HDLBP: variants seen among roughly 807,000 people sequenced by gnomAD.
The protein encoded by HDLBP is high density lipoprotein binding protein, also known as vigilin.
A neutral mutation model predicts 137.3 loss-of-function variants in HDLBP; 30 were observed. The observed-to-expected ratio is 0.22, with a 90% CI of 0.16 to 0.30. HDLBP has a LOEUF of 0.30. HDLBP is among the 10% of genes least tolerant of loss of function. HDLBP has a pLI of 1.00. For missense variants in HDLBP, 1,119 were observed against 1,667.3 expected (o/e 0.67, Z 5.73); for synonymous variants, 606 against 596.0 (o/e 1.02, Z -0.24).
intron 14 of HDLBP, 176 bp from the exon 15 acceptor site, chr2:241,247,318 C>G (rs147442033): frequency 3.3e-6 from 2 of 606,888 alleles, no homozygotes; most frequent in Admixed American, 2.9e-5. Flanking sequence ...AACTAACTTA[C>G]GTTGCAAATT....
intron 21 of HDLBP, 125 bp from the exon 22 acceptor site, chr2:241,235,719 C>T (rs892248591): frequency 1.9e-5 from 12 of 642,512 alleles, no homozygotes; most frequent in Non-Finnish European, 2.8e-5. Context: ...GTGCCCCACC[C>T]GACAATGCCA....
intron 1 of HDLBP, among the ~76,000 whole-genome samples, chr2:241,294,967 T>G (rs1031742595): frequency 1.3e-5 from 2 of 151,880 alleles, no homozygotes; most frequent in Admixed American, 6.6e-5. Flanking sequence ...CCAGGCATGG[T>G]GGTGGGTGCC....
chr2:241,272,465 C>A lies in HDLBP; in HGVS notation c.-102-3924G>T. On this transcript the variant is annotated intron_variant, in intron 1 of 27. Transcript: ENST00000310931. This position sits in a 1 kb window ranked among gnomAD's most constrained non-coding sequence, Gnocchi z 5.6. ...GGGGAGCCCAGCTTGCAGCCAAGAG[C>A]GGCCCAGCGGCGCCACCGGACTTGA... is the stretch of plus-strand genomic sequence containing the variant. 2 of 984,668 alleles carry A rather than the reference C, an allele frequency of 2.0e-6. No individual in the cohort carries two copies. The highest frequency in any genetic ancestry group is 2.4e-6 in the Non-Finnish European group (2 of 829,684). 61.0% of individuals were successfully genotyped at this position (984,668 alleles called of 1,614,324 possible).
intron 1 of HDLBP, among the ~76,000 whole-genome samples, chr2:241,312,922 C>T (rs2075796384): frequency 6.6e-6 from 1 of 152,318 alleles, no homozygotes; most frequent in Non-Finnish European, 1.5e-5. Flanking sequence ...GGCATCAAGT[C>T]CTTCAGTACA....
intron 2 of HDLBP, 58 bp from the exon 3 acceptor site, chr2:241,266,964 T>C (rs2073719488): frequency 1.6e-6 from 2 of 1,263,370 alleles, no homozygotes; most frequent in South Asian, 1.2e-5. Context: ...ATCTATGAGA[T>C]TGTTAACCTA....
At chr2:241,246,620 G>A in intron 16 of HDLBP, 132 bp downstream of exon 16, 1 of 867,178 alleles carries the variant, frequency 1.2e-6, no homozygotes, top group Non-Finnish European at 1.8e-6. Flanking sequence ...CAGTAGCCTG[G>A]ATTGAAAGGT....
Position 241,229,415 on chromosome 2 carries a change from G to A in HDLBP, c.*186C>T, listed in dbSNP as rs1244202703. 1.8e-6 allele frequency: 1 copy of A among 553,532 alleles called. No homozygotes were observed. The highest frequency in any genetic ancestry group is 1.9e-5 in the African/African-American group (1 of 52,552). The allele number at this position is 553,532 out of a possible 1,614,324, so 34.3% of individuals were successfully genotyped here. On this transcript the variant is annotated 3_prime_UTR_variant, in exon 28 of 28. Coordinates refer to ENST00000310931, the MANE Select transcript of HDLBP (RefSeq NM_005336.6). ...TAAACAGTGGAGCAGGTCCTGAGCG[G>A]GCACGGCCAGGCCTGGAGGAGCGGC...
chr2:241,238,670 G>A lies in HDLBP; in HGVS notation c.2728C>T (p.Pro910Ser). ...CCACCTGCGTTCTCCTCTCTGTCTG[G>A]GAATTTAATTTGAACACTGAAATCC... ...TRDFSVQIKF[P>S]DREENAVHST... Residue 910 changes from proline to serine, a missense_variant, in exon 20 of 28, where the codon CCA (proline) becomes TCA (serine). Physicochemically the swap from Pro to Ser is moderately conservative, Grantham distance 74. Coordinates refer to ENST00000310931, the MANE Select transcript of HDLBP (RefSeq NM_005336.6). The surrounding 1 kb of genome is among the most constrained non-coding windows in gnomAD (Gnocchi z 4.9). 1 of 1,579,200 alleles carries A rather than the reference G, an allele frequency of 6.3e-7. No homozygotes were observed. The highest frequency in any genetic ancestry group is 1.7e-5 in the Admixed American group (1 of 57,950).
rs758803192 is a variant in HDLBP, at chr2:241,230,552, C to G, written c.3474+207G>C. On this transcript the variant is annotated intron_variant, in intron 25 of 27. Transcript: ENST00000310931. The surrounding 1 kb of genome is among the most constrained non-coding windows in gnomAD (Gnocchi z 5.0). ...CGCCAGGCAGCTGTCAAGGAGATGC[C>G]CTCCTAATGGCCACCGTGGCAGTGC... Among the ~76,000 whole-genome samples, 1 of 152,216 alleles carries G rather than the reference C, an allele frequency of 6.6e-6. No individual in the cohort carries two copies. The highest frequency in any genetic ancestry group is 2.4e-5 in the African/African-American group (1 of 41,456).
chr2:241,236,755 G>A lies in HDLBP; in HGVS notation c.2764C>T (p.Pro922Ser). The change falls in exon 21 of 28, where the codon CCA (proline) becomes TCA (serine). Residue 922 changes from proline (P) to serine (S), a missense_variant. Around this residue, in one of 4 missense-constraint regions of HDLBP, gnomAD observed 618 missense variants for 816.7 expected, o/e 0.76. Transcript: ENST00000310931. ...TCGTCCCCATTCTCCTGGACAACTG[G>A]CTCTGTACTGTGAACTAGAGAGAAA... ...REENAVHSTEPVVQENGDEAG... is the reference protein window; with the variant it reads ...REENAVHSTESVVQENGDEAG... 6.2e-7 allele frequency: 1 copy of A among 1,614,152 alleles called. No individual in the cohort carries two copies. The highest frequency in any genetic ancestry group is 8.5e-7 in the Non-Finnish European group (1 of 1,179,992).
chr2:241,246,682 C>G lies in HDLBP; in HGVS notation c.1950+70G>C. 5 of 1,509,302 alleles carry G rather than the reference C, an allele frequency of 3.3e-6. No homozygotes were observed. The South Asian group carries it at 4.9e-5, about 15-fold the overall frequency. The allele number at this position is 1,509,302 out of a possible 1,614,324, so 93.5% of individuals were successfully genotyped here. On this transcript the variant is annotated intron_variant, in intron 16 of 27. Coordinates refer to ENST00000310931, the MANE Select transcript of HDLBP (RefSeq NM_005336.6). ...GCCCAATGACCCTGCGTGACTCAAC[C>G]CCAGGCTCAATCTTAGAGGCTGTTA...
chr2:241,301,434 C>T (rs1018008498), intron 1 of HDLBP, among the ~76,000 whole-genome samples: 1 of 152,020 alleles, frequency 6.6e-6, no homozygotes, highest in Non-Finnish European at 1.5e-5. Context: ...AAGCATATCA[C>T]GTAAGAAGAG....
chr2:241,301,346 A>T (rs761819115), intron 1 of HDLBP, among the ~76,000 whole-genome samples: 9 of 152,128 alleles, frequency 5.9e-5, no homozygotes, highest in Non-Finnish European at 1.3e-4. Context: ...TTATCAGCAA[A>T]TGTTTAAAAA....
rs367686311 is a variant in HDLBP at position 241,229,850 on chromosome 2, C to T, written c.3703G>A (p.Ala1235Thr). Residue 1235 changes from alanine to threonine, a missense_variant, in exon 27 of 28, where the codon GCC (alanine) becomes ACC (threonine). Ala to Thr is a moderately conservative substitution (Grantham distance 58). This residue lies in a region of HDLBP where 618 missense variants were observed against 816.7 expected (regional missense o/e 0.76). Coordinates refer to ENST00000310931, the MANE Select transcript of HDLBP (RefSeq NM_005336.6). Reference sequence around the variant, plus strand: ...CATCTGACCTTCTCACTGCTGCTGGCGGTCCAGGGTGCGTCCCGCACCACA... The same window carrying T: ...CATCTGACCTTCTCACTGCTGCTGGTGGTCCAGGGTGCGTCCCGCACCACA... ...GFVVRDAPWTASSSEKAPDMS... is the reference protein window; with the variant it reads ...GFVVRDAPWTTSSSEKAPDMS... 26 of 1,356,228 alleles carry T rather than the reference C, an allele frequency of 1.9e-5. No homozygotes were observed. Among genetic ancestry groups the T allele is most frequent in the South Asian group, 4.8e-5 (4 of 83,982 alleles). The allele number at this position is 1,356,228 out of a possible 1,614,324, so 84.0% of individuals were successfully genotyped here. A position where few individuals can be genotyped will look rare whatever the true frequency, so the allele number is the denominator to read the frequency against.
chr2:241,231,854 A>C (rs1481891671), intron 24 of HDLBP, among the ~76,000 whole-genome samples: 1 of 152,170 alleles, frequency 6.6e-6, no homozygotes, highest in Admixed American at 6.5e-5. Flanking sequence ...ACATGTCCAC[A>C]ACACAAAAAC....
intron 12 of HDLBP, among the ~76,000 whole-genome samples, chr2:241,249,007 G>C (rs1395781830): frequency 6.6e-6 from 1 of 152,120 alleles, no homozygotes; most frequent in Non-Finnish European, 1.5e-5. Flanking sequence ...CAGCAATCAG[G>C]AAGGGCATAA....
At chr2:241,257,336 G>C (rs543081457) in intron 5 of HDLBP, among the ~76,000 whole-genome samples, 1 of 152,192 alleles carries the variant, frequency 6.6e-6, no homozygotes, top group Non-Finnish European at 1.5e-5. Flanking sequence ...GGGTTCAAGG[G>C]ATTCTCCTGC....
At chr2:241,267,501 C>A (rs2073767243) in intron 2 of HDLBP, 1 of 1,374,204 alleles carries the variant, frequency 7.3e-7, no homozygotes, top group Admixed American at 2.0e-5. Context: ...CTGACCCAGG[C>A]TCCAGGCATA....
intron 1 of HDLBP, among the ~76,000 whole-genome samples, chr2:241,276,871 G>A (rs1359582777): frequency 6.6e-6 from 1 of 151,908 alleles, no homozygotes; most frequent in African/African-American, 2.4e-5. Context: ...TGGTAACACA[G>A]GTTATGGGAT....
Sources: gnomAD v4.1 joint callset for allele counts (sites outside exome capture counted in the v4.1 genomes callset) on GRCh38, gnomAD v4.1.1 for gene constraint, gnomAD v4.1.1 regional missense constraint, Gnocchi (gnomAD v3.1) non-coding constraint, MANE v1.5 for transcripts, NCBI Gene and HGNC (gene_info 2026-07-23, HGNC 2026-07-21) for gene names.